The following CDH13 variants were observed in gnomAD, a reference collection of about 807,000 sequenced individuals.
CDH13 encodes cadherin-13.
CDH13 carries 24 observed loss-of-function variants against 63.8 expected under a neutral mutation model. That is an observed-to-expected ratio of 0.38 (90% CI 0.27 to 0.53). The LOEUF is 0.53. CDH13 is among the 20% of genes least tolerant of loss of function. The pLI, the probability that CDH13 is intolerant of heterozygous loss-of-function variation, is 0.85. For synonymous variants in CDH13, 503 were observed against 355.3 expected (o/e 1.42, Z -4.67); for missense variants, 1,049 against 903.1 (o/e 1.16, Z -2.07).
At chr16:83,400,392 G>C (rs1391468364) in intron 6 of CDH13, among the ~76,000 whole-genome samples, 1 of 152,110 alleles carries the variant, frequency 6.6e-6, no homozygotes, top group African/African-American at 2.4e-5. Flanking sequence ...CCTATGGGTT[G>C]GGACGGCTAC....
At chr16:83,445,972 C>T (rs989064153) in intron 6 of CDH13, among the ~76,000 whole-genome samples, 1 of 152,120 alleles carries the variant, frequency 6.6e-6, no homozygotes, top group African/African-American at 2.4e-5. Flanking sequence ...ATCCCCATCC[C>T]TCCCCCATCA....
At chr16:82,854,986 G>A (rs2039630740) in intron 1 of CDH13, among the ~76,000 whole-genome samples, 2 of 151,938 alleles carry the variant, frequency 1.3e-5, no homozygotes, top group South Asian at 4.2e-4. Context: ...AGGAGTGAGT[G>A]AATGAATGAA....
chr16:82,822,341 G>C lies in CDH13; in HGVS notation c.46-36021G>C, dbSNP rs549714739. On this transcript the variant is annotated intron_variant, in intron 1 of 13. Transcript: ENST00000567109. ...CTATAGGCTATTTGGGATAATGTTC[G>C]GATATATTTTTAAGGTAGAAAAAGT... is the stretch of plus-strand genomic sequence containing the variant. 3.9e-5 allele frequency among the ~76,000 whole-genome samples: 6 copies of C among 152,234 alleles called. No individual in the cohort carries two copies. In the South Asian group the frequency reaches 1.0e-3, roughly 26 times the overall value.
intron 5 of CDH13, among the ~76,000 whole-genome samples, chr16:83,325,513 T>C (rs577761442): frequency 6.6e-6 from 1 of 152,324 alleles, no homozygotes; most frequent in African/African-American, 2.4e-5. Flanking sequence ...CTTTCTGCTG[T>C]TACTCAGTTC....
intron 1 of CDH13, among the ~76,000 whole-genome samples, chr16:82,673,803 A>C (rs79997643): frequency 1.8e-4 from 28 of 152,222 alleles, no homozygotes; most frequent in Non-Finnish European, 3.5e-4. Context: ...TGACATATGC[A>C]TACAAGCTCA....
chr16:83,180,744 C>A, intron 4 of CDH13: 3 of 657,502 alleles, frequency 4.6e-6, no homozygotes, highest in Non-Finnish European at 5.2e-6. Flanking sequence ...GAAAAACGGT[C>A]ACTCTAGGTA....
chr16:83,249,118 G>A (rs777584748), intron 5 of CDH13, among the ~76,000 whole-genome samples: 3 of 152,154 alleles, frequency 2.0e-5, no homozygotes, highest in Non-Finnish European at 4.4e-5. Context: ...TTTCTCTGCT[G>A]GACCTTCATG....
At chr16:83,113,534 C>T (rs1416355621) in intron 3 of CDH13, among the ~76,000 whole-genome samples, 4 of 152,256 alleles carry the variant, frequency 2.6e-5, no homozygotes, top group Non-Finnish European at 1.5e-5. Flanking sequence ...AGAGTCTGCC[C>T]TTACGGAGCT....
At chr16:82,760,620 T>A (rs1259051089) in intron 1 of CDH13, among the ~76,000 whole-genome samples, 3 of 152,186 alleles carry the variant, frequency 2.0e-5, no homozygotes. Flanking sequence ...TCTATATGAC[T>A]CTGATAGCAC....
chr16:83,724,498 AG>A (rs1389558941), intron 10 of CDH13, among the ~76,000 whole-genome samples: 2 of 151,582 alleles, frequency 1.3e-5, no homozygotes, highest in African/African-American at 4.9e-5. Context: ...TGCATGGGTG[AG>A]TGATAAATGC....
intron 7 of CDH13, among the ~76,000 whole-genome samples, chr16:83,513,661 A>G (rs1459829169): frequency 1.3e-5 from 2 of 151,650 alleles, no homozygotes; most frequent in Non-Finnish European, 2.9e-5. Context: ...TCTCTTGAAA[A>G]CTCATTCACT....
intron 1 of CDH13, among the ~76,000 whole-genome samples, chr16:82,649,001 A>C (rs1201805668): frequency 6.6e-6 from 1 of 152,164 alleles, no homozygotes; most frequent in Admixed American, 6.5e-5. Context: ...GATGGGGAAG[A>C]AAGAGAAAAG....
chr16:83,687,304 TTTAA>T (rs1364901444), intron 10 of CDH13, among the ~76,000 whole-genome samples: 1 of 152,272 alleles, frequency 6.6e-6, no homozygotes, highest in Admixed American at 6.5e-5. Flanking sequence ...AAGAAAATGA[TTTAA>T]TTGTCTCATG....
rs12103101 is a variant in CDH13, at chr16:83,195,761, G to A, written c.484-21584G>A. The stretch of plus-strand genomic sequence containing the variant: ...TCATCAAGATAGCATGATACAGCAG[G>A]GGAGAGATACATGGATCAGTGGAAG... On this transcript the variant is annotated intron_variant, in intron 4 of 13. Transcript: ENST00000567109. Among the ~76,000 whole-genome samples, 509 of 152,232 alleles carry A rather than the reference G, an allele frequency of 3.3e-3. 2 individuals carry two copies. Among genetic ancestry groups the A allele is most frequent in the African/African-American group, 0.012 (480 of 41,536 alleles).
intron 5 of CDH13, among the ~76,000 whole-genome samples, chr16:83,226,004 A>C (rs988737835): frequency 6.6e-6 from 1 of 152,194 alleles, no homozygotes; most frequent in Non-Finnish European, 1.5e-5. Flanking sequence ...GCTGCTTTCT[A>C]ATGCCTCCTT....
rs2089582554 is a variant in CDH13, at chr16:83,295,863, C to A, written c.637-48999C>A. 2.6e-5 allele frequency among the ~76,000 whole-genome samples: 4 copies of A among 152,272 alleles called. No homozygotes were observed. In the South Asian group the frequency reaches 8.3e-4, roughly 32 times the overall value. ...CATCAATATGTCAAAGAGACGTCTG[C>A]ACTTCTGTATGTATTGCAGCAGTGT... On this transcript the variant is annotated intron_variant, in intron 5 of 13. Coordinates refer to ENST00000567109, the MANE Select transcript of CDH13 (RefSeq NM_001257.5).
intron 7 of CDH13, among the ~76,000 whole-genome samples, chr16:83,574,588 G>T (rs888960935): frequency 6.6e-6 from 1 of 152,200 alleles, no homozygotes; most frequent in Non-Finnish European, 1.5e-5. Flanking sequence ...AGTCACTGCA[G>T]CTCTTGCGTG....
intron 2 of CDH13, among the ~76,000 whole-genome samples, chr16:82,966,310 A>G (rs962459965): frequency 3.3e-5 from 5 of 150,114 alleles, no homozygotes; most frequent in East Asian, 2.0e-4. Flanking sequence ...CACCACGCCC[A>G]GCTAATTTTT....
intron 1 of CDH13, among the ~76,000 whole-genome samples, chr16:82,647,403 A>G (rs1425399865): frequency 6.6e-6 from 1 of 152,166 alleles, no homozygotes; most frequent in African/African-American, 2.4e-5. Context: ...TTTGAGTGCA[A>G]TAAATTCTCT....
Sources: gnomAD v4.1 joint callset for allele counts (sites outside exome capture counted in the v4.1 genomes callset) on GRCh38, gnomAD v4.1.1 for gene constraint, MANE v1.5 for transcripts, NCBI Gene and HGNC (gene_info 2026-07-23, HGNC 2026-07-21) for gene names.